The following LRRC8B variants were observed in gnomAD, a reference collection of about 807,000 sequenced individuals.
LRRC8B encodes volume-regulated anion channel subunit LRRC8B.
In LRRC8B, 23 loss-of-function variants were observed where a neutral mutation model predicts 58.8. The ratio of observed to expected loss-of-function variants is 0.39; its 90% CI spans 0.28 to 0.55. The LOEUF is 0.55. Among genes scored for constraint, LRRC8B ranks in the 20% least tolerant of loss-of-function variants. LRRC8B has a pLI of 0.62. For synonymous variants in LRRC8B, 359 were observed against 374.1 expected (o/e 0.96, Z 0.47); for missense variants, 694 against 936.0 (o/e 0.74, Z 3.37).
chr1:89,533,441 A>G (rs1350694117), intron 1 of LRRC8B, among the ~76,000 whole-genome samples: 1 of 152,192 alleles, frequency 6.6e-6, no homozygotes, highest in Non-Finnish European at 1.5e-5. Flanking sequence ...GGAAGGTTCT[A>G]GATAGCCAGA....
chr1:89,585,053 T>C (rs1654528148), intron 5 of LRRC8B, among the ~76,000 whole-genome samples: 1 of 152,250 alleles, frequency 6.6e-6, no homozygotes, highest in African/African-American at 2.4e-5. Context: ...TTTGTTTTTT[T>C]CCCAGTTTTC....
intron 3 of LRRC8B, among the ~76,000 whole-genome samples, chr1:89,579,085 G>A (rs1050632102): frequency 2.7e-5 from 4 of 150,216 alleles, no homozygotes; most frequent in Non-Finnish European, 4.4e-5. Flanking sequence ...TAGATGTTTG[G>A]TTTTAAATAT....
chr1:89,584,299 C>A lies in LRRC8B; in HGVS notation c.1649C>A (p.Ser550Tyr). The change falls in exon 5 of 6, where the codon TCC becomes TAC. Residue 550 changes from serine (S) to tyrosine (Y), a missense_variant. This residue lies in a region of LRRC8B where 162 missense variants were observed against 198.5 expected (regional missense o/e 0.82). Transcript: ENST00000330947. ...LRTLYLKSSL[S>Y]RIPQVVTDLL... Reference sequence around the variant, plus strand: ...ACCCTGTACTTGAAGAGCAGCCTCTCCCGGATCCCACAAGTTGTTACAGAC... The same window carrying A: ...ACCCTGTACTTGAAGAGCAGCCTCTACCGGATCCCACAAGTTGTTACAGAC... The A allele has an allele frequency of 6.2e-7, 1 of 1,614,134 alleles. No homozygotes were observed. Among genetic ancestry groups the A allele is most frequent in the Non-Finnish European group, 8.5e-7 (1 of 1,180,036 alleles).
intron 1 of LRRC8B, among the ~76,000 whole-genome samples, chr1:89,560,498 C>T (rs529670026): frequency 6.6e-6 from 1 of 151,372 alleles, no homozygotes; most frequent in South Asian, 2.1e-4. Context: ...AACTCGTCAT[C>T]TAGCATTAGG....
chr1:89,535,702 G>A (rs1211291401), intron 1 of LRRC8B, among the ~76,000 whole-genome samples: 5 of 151,992 alleles, frequency 3.3e-5, no homozygotes, highest in African/African-American at 9.7e-5. Context: ...GATACAAAAA[G>A]AACATTAGTT....
chr1:89,542,387 G>T (rs1398778093), intron 1 of LRRC8B, among the ~76,000 whole-genome samples: 1 of 152,162 alleles, frequency 6.6e-6, no homozygotes, highest in Non-Finnish European at 1.5e-5. Context: ...TCTGTCACCA[G>T]ACTATAAATT....
In LRRC8B at chr1:89,583,323, G is replaced by A. The variant is rs753322352; in HGVS notation, c.673G>A (p.Val225Ile). 6.2e-7 allele frequency: 1 copy of A among 1,614,208 alleles called. No individual in the cohort carries two copies. The highest frequency in any genetic ancestry group is 1.7e-5 in the Admixed American group (1 of 60,022). The change falls in exon 5 of 6, where the codon GTC becomes ATC. Residue 225 changes from valine (V) to isoleucine (I), a missense_variant. This residue lies in a region of LRRC8B where 316 missense variants were observed against 403.8 expected (regional missense o/e 0.78). Coordinates refer to ENST00000330947, the MANE Select transcript of LRRC8B (RefSeq NM_001369817.2). This position sits in a 1 kb window ranked among gnomAD's most constrained non-coding sequence, Gnocchi z 5.2. The part of the protein sequence containing the change: ...SAGIESPTSS[V>I]LDKKEGEQAK... ...TGGCATAGAAAGCCCAACTTCCAGTGTCCTGGACAAGAAGGAGGGTGAACA... is the reference window on the plus strand; with the variant it reads ...TGGCATAGAAAGCCCAACTTCCAGTATCCTGGACAAGAAGGAGGGTGAACA...
chr1:89,537,331 C>G (rs912781630), intron 1 of LRRC8B, among the ~76,000 whole-genome samples: 3 of 152,124 alleles, frequency 2.0e-5, no homozygotes, highest in Non-Finnish European at 4.4e-5. Context: ...TTGCTATGGT[C>G]TGAGTGTCGG....
At chr1:89,589,181 C>T (rs1299924367) in intron 5 of LRRC8B, among the ~76,000 whole-genome samples, 3 of 152,224 alleles carry the variant, frequency 2.0e-5, no homozygotes, top group Non-Finnish European at 4.4e-5. Context: ...AAAAACTTTA[C>T]CAGCCCCTAC....
chr1:89,582,794 G>A lies in LRRC8B; in HGVS notation c.144G>A (p.Thr48=), dbSNP rs143539888. Residue 48 remains threonine, a synonymous_variant, in exon 5 of 6, where the codon ACG becomes ACA. Coordinates refer to ENST00000330947, the MANE Select transcript of LRRC8B (RefSeq NM_001369817.2). Reference sequence around the variant, plus strand: ...TGCTGGCCGGAGCTCTCCAGCTGACGCAGAGCAGGGTTCTGTGCTGTCTTC... The same window carrying A: ...TGCTGGCCGGAGCTCTCCAGCTGACACAGAGCAGGGTTCTGTGCTGTCTTC... The part of the protein sequence containing the change: ...VAVLAGALQL[T]QSRVLCCLPC... The A allele has an allele frequency of 2.6e-5, 42 of 1,614,050 alleles. No individual in the cohort carries two copies. The Middle Eastern group carries it at 4.9e-4, about 19-fold the overall frequency.
chr1:89,559,413 G>A (rs1464536851), intron 1 of LRRC8B, among the ~76,000 whole-genome samples: 1 of 151,936 alleles, frequency 6.6e-6, no homozygotes, highest in Non-Finnish European at 1.5e-5. Context: ...GGGAGGCCGA[G>A]GTGGGACAAT....
intron 1 of LRRC8B, among the ~76,000 whole-genome samples, chr1:89,528,420 G>T (rs1157304712): frequency 1.3e-5 from 2 of 152,056 alleles, no homozygotes; most frequent in Non-Finnish European, 2.9e-5. Context: ...TTCCTTTTCA[G>T]CATTTTGAAA....
intron 1 of LRRC8B, among the ~76,000 whole-genome samples, chr1:89,563,508 C>G (rs895918603): frequency 6.6e-6 from 1 of 152,106 alleles, no homozygotes; most frequent in African/African-American, 2.4e-5. Flanking sequence ...AGGAAAGTTA[C>G]ATTTCTTTTC....
intron 5 of LRRC8B, among the ~76,000 whole-genome samples, chr1:89,587,664 T>C (rs533099848): frequency 6.6e-6 from 1 of 152,212 alleles, no homozygotes; most frequent in Non-Finnish European, 1.5e-5. Flanking sequence ...ATTTTAAAAG[T>C]CTGATCTCAA....
chr1:89,538,929 C>A (rs1481028278), intron 1 of LRRC8B, among the ~76,000 whole-genome samples: 1 of 152,098 alleles, frequency 6.6e-6, no homozygotes, highest in Non-Finnish European at 1.5e-5. Flanking sequence ...GCCATGTTGG[C>A]CAGGCTGGTC....
chr1:89,577,119 G>A (rs1277437599), intron 3 of LRRC8B, among the ~76,000 whole-genome samples: 1 of 152,046 alleles, frequency 6.6e-6, no homozygotes, highest in Non-Finnish European at 1.5e-5. Context: ...GTAGTGTAGA[G>A]AACCGCTATT....
chr1:89,533,419 G>A (rs1248372780), intron 1 of LRRC8B, among the ~76,000 whole-genome samples: 1 of 152,152 alleles, frequency 6.6e-6, no homozygotes, highest in African/African-American at 2.4e-5. Flanking sequence ...TAAACTATTT[G>A]CAATACAGGG....
chr1:89,551,955 C>A (rs1651853944), intron 1 of LRRC8B, among the ~76,000 whole-genome samples: 1 of 152,172 alleles, frequency 6.6e-6, no homozygotes, highest in Non-Finnish European at 1.5e-5. Flanking sequence ...CATGCATGTA[C>A]CGTGCTAATA....
chr1:89,548,459 G>A (rs1651568532), intron 1 of LRRC8B, among the ~76,000 whole-genome samples: 1 of 152,184 alleles, frequency 6.6e-6, no homozygotes, highest in Non-Finnish European at 1.5e-5. Context: ...TGAGGACAGA[G>A]AAGGACAATC....
Sources: allele counts gnomAD v4.1 joint callset (sites outside exome capture counted in the v4.1 genomes callset), GRCh38; gene constraint gnomAD v4.1.1; regional missense constraint gnomAD v4.1.1; non-coding constraint Gnocchi (gnomAD v3.1); transcripts MANE v1.5; gene names NCBI Gene and HGNC (gene_info 2026-07-23, HGNC 2026-07-21).